The following SPATA13 variants were observed in gnomAD, a reference collection of about 807,000 sequenced individuals.
The protein encoded by SPATA13 is spermatogenesis associated 13.
In SPATA13, 50 loss-of-function variants were observed where a neutral mutation model predicts 104.0. The ratio of observed to expected loss-of-function variants is 0.48; its 90% CI spans 0.38 to 0.61. The LOEUF is 0.61. Among genes scored for constraint, SPATA13 ranks in the 20% least tolerant of loss-of-function variants. The probability of loss-of-function intolerance (pLI) is 0.00; values close to 1 mark genes in which losing one functional copy is unlikely to be tolerated. For missense variants in SPATA13, 1,524 were observed against 1,690.6 expected, an observed-to-expected ratio of 0.90 and a Z score of 1.73; for synonymous variants, 606 against 667.5, an observed-to-expected ratio of 0.91 and a Z score of 1.42.
chr13:24,006,670 G>A (rs1270543026), intron 2 of SPATA13, among the ~76,000 whole-genome samples: 1 of 152,170 alleles, frequency 6.6e-6, no homozygotes. Context: ...GGCCTGCACG[G>A]CTATGGTCCC....
In SPATA13 at chr13:24,222,524, A is replaced by G. The variant is rs527514082; in HGVS notation, c.-111-295A>G. Reference sequence around the variant, plus strand: ...AAAGATAGTGTTGAATGATACCTAGATATTTTCATTCCAGCGGTTTTTTTC... The same window carrying G: ...AAAGATAGTGTTGAATGATACCTAGGTATTTTCATTCCAGCGGTTTTTTTC... On this transcript the variant is annotated intron_variant, in intron 1 of 12. Coordinates refer to ENST00000382108, the MANE Select transcript of SPATA13 (RefSeq NM_001166271.3). Among the ~76,000 whole-genome samples, 8 of 152,310 alleles carry G rather than the reference A, an allele frequency of 5.3e-5. No homozygotes were observed. The East Asian group carries it at 1.5e-3, about 29-fold the overall frequency.
chr13:24,160,910 T>G lies in SPATA13; in HGVS notation c.-134T>G. The G allele has an allele frequency of 1.0e-6, 1 of 985,502 alleles. No homozygotes were observed. The highest frequency in any genetic ancestry group is 1.2e-6 in the Non-Finnish European group (1 of 830,096). The allele number at this position is 985,502 out of a possible 1,614,324, so 61.0% of individuals were successfully genotyped here. A position where few individuals can be genotyped will look rare whatever the true frequency, so the allele number is the denominator to read the frequency against. ...TGTTGGACACGCTGACTTTGTAGGC[T>G]CCGCCAAGAGGCGCCGCAGGAGGTA... On this transcript the variant is annotated 5_prime_UTR_variant, in exon 1 of 13. Transcript: ENST00000382108.
In SPATA13 at chr13:24,290,789, C is replaced by T. The variant is rs372676441; in HGVS notation, c.2985C>T (p.Ile995=). Residue 995 remains isoleucine, a synonymous_variant, in exon 9 of 13, where the codon ATC becomes ATT. Coordinates refer to ENST00000382108, the MANE Select transcript of SPATA13 (RefSeq NM_001166271.3). ...ACRLLQQMID[I]AIDGFLLTPV... is the part of the protein sequence containing the mutation. ...GCCTGCTGCAGCAGATGATTGACAT[C>T]GCCATCGACGGGTTCCTGCTCACAC... The T allele has an allele frequency of 5.3e-5, 85 of 1,614,200 alleles. No homozygotes were observed. Among genetic ancestry groups the T allele is most frequent in the Middle Eastern group, 1.6e-4 (1 of 6,062 alleles).
intron 3 of SPATA13, among the ~76,000 whole-genome samples, chr13:24,136,865 T>C (rs1291469254): frequency 1.0e-4 from 11 of 107,726 alleles, no homozygotes; most frequent in South Asian, 3.4e-4. Context: ...AGTCTCGCTC[T>C]GTCGCCCAGG....
chr13:24,285,068 C>A (rs962001978), intron 5 of SPATA13, among the ~76,000 whole-genome samples: 1 of 152,012 alleles, frequency 6.6e-6, no homozygotes, highest in Non-Finnish European at 1.5e-5. Context: ...TTGAGCAGAA[C>A]GTGTGGAGCA....
intron 3 of SPATA13, among the ~76,000 whole-genome samples, chr13:24,092,735 A>G (rs9511044): frequency 0.27 from 40,343 of 152,120 alleles, 6,307 homozygotes; most frequent in Non-Finnish European, 0.34. Context: ...GCAGCTTGCT[A>G]TTTCTACATG....
chr13:23,986,105 G>T (rs1371567319), intron 2 of SPATA13, among the ~76,000 whole-genome samples: 1 of 152,212 alleles, frequency 6.6e-6, no homozygotes, highest in Non-Finnish European at 1.5e-5. Flanking sequence ...AATAAATGCA[G>T]TTCTGGTGTG....
intron 1 of SPATA13, among the ~76,000 whole-genome samples, chr13:24,182,984 A>G (rs1395768511): frequency 6.6e-6 from 1 of 152,108 alleles, no homozygotes; most frequent in African/African-American, 2.4e-5. Context: ...CATTGTTTTT[A>G]TCAGTACACT....
intron 4 of SPATA13, chr13:24,252,925 A>G (rs1263990015): frequency 2.0e-5 from 3 of 152,250 alleles, no homozygotes; most frequent in African/African-American, 7.2e-5. Context: ...TGAGGTATCC[A>G]GTGAGCACTT....
intron 1 of SPATA13, among the ~76,000 whole-genome samples, chr13:24,219,253 CAG>C (rs1871439620): frequency 6.6e-6 from 1 of 152,250 alleles, no homozygotes; most frequent in Admixed American, 6.5e-5. Context: ...TCAGAAATTC[CAG>C]GAAAAGGCTT....
intron 1 of SPATA13, among the ~76,000 whole-genome samples, chr13:24,167,581 T>C (rs1882795149): frequency 6.6e-6 from 1 of 152,176 alleles, no homozygotes; most frequent in Admixed American, 6.5e-5. Flanking sequence ...TACTTCTGTG[T>C]GAATAGTGTG....
rs933203914 is a variant in SPATA13, at chr13:24,002,154, G to A, written c.-146-15513G>A. Among the ~76,000 whole-genome samples the A allele has an allele frequency of 3.9e-5, 6 of 152,128 alleles. No homozygotes were observed. The South Asian group carries it at 8.3e-4, about 21-fold the overall frequency. ...TCAAAAAAGCAGTGTCATAGCTTTT[G>A]ACCTCTGTCACATGAGGTCATTTAC... On this transcript the variant is annotated intron_variant, in intron 2 of 14. Coordinates refer to the SPATA13 transcript ENST00000424834.
At chr13:24,199,109 G>A (rs1891104) in intron 1 of SPATA13, among the ~76,000 whole-genome samples, 2,253 of 151,998 alleles carry the variant, frequency 0.015, 58 homozygotes, top group African/African-American at 0.05. Context: ...GGCTGGTCTC[G>A]AACTCCTGAG....
At position 24,091,726 on chromosome 13, in the gene SPATA13, G is replaced by A. The variant is rs150106992; in HGVS notation, c.-112+74025G>A. Among the ~76,000 whole-genome samples, 15 of 152,316 alleles carry A rather than the reference G, an allele frequency of 9.8e-5. No homozygotes were observed. In the East Asian group the frequency reaches 2.1e-3, roughly 22 times the overall value. On this transcript the variant is annotated intron_variant, in intron 3 of 14. Coordinates refer to the SPATA13 transcript ENST00000424834. ...CTAAGGAGGCTGAGGCAGGAGAATC[G>A]CTTGAACCTGGGAGGCGGAGGCTGC...
At chr13:23,995,867 A>T (rs1420913021) in intron 2 of SPATA13, among the ~76,000 whole-genome samples, 1 of 152,086 alleles carries the variant, frequency 6.6e-6, no homozygotes, top group Non-Finnish European at 1.5e-5. Context: ...AACTGCGTGG[A>T]GGAAGTGGTC....
In SPATA13 at chr13:24,294,718, A is replaced by T. The variant is rs775644721; in HGVS notation, c.3081-21A>T. The T allele has an allele frequency of 7.6e-6, 12 of 1,570,516 alleles. No individual in the cohort carries two copies. The African/African-American group carries it at 1.1e-4, about 14-fold the overall frequency. On this transcript the variant is annotated intron_variant, in intron 9 of 12. Transcript: ENST00000382108. ...TGTAAGGTGCATGTTATGTGATTAA[A>T]ATTAACCTCCCATCTTGCAGTGATT...
chr13:23,998,831 AT>A (rs1287822425), intron 2 of SPATA13, among the ~76,000 whole-genome samples: 1 of 152,040 alleles, frequency 6.6e-6, no homozygotes, highest in Non-Finnish European at 1.5e-5. Context: ...TGAAAAAATG[AT>A]TCTTGTCCAT....
rs1873354301 is a variant in SPATA13, at chr13:24,249,527, G to A, written c.1704G>A (p.Arg568=). 2 of 1,608,294 alleles carry A rather than the reference G, an allele frequency of 1.2e-6. No individual in the cohort carries two copies. Among genetic ancestry groups the A allele is most frequent in the African/African-American group, 2.7e-5 (2 of 74,706 alleles). ...WRRSSSQDEE[R]TEAQRTPKRR... ...GAAGCTCATCACAGGATGAGGAAAGGACAGAGGCACAGAGAACCCCCAAGA... is the reference window on the plus strand; with the variant it reads ...GAAGCTCATCACAGGATGAGGAAAGAACAGAGGCACAGAGAACCCCCAAGA... Residue 568 remains arginine (R), a synonymous_variant, in exon 3 of 13, where the codon AGG becomes AGA. Transcript: ENST00000382108.
At chr13:24,282,848 G>C (rs1228903395) in intron 4 of SPATA13, among the ~76,000 whole-genome samples, 2 of 152,224 alleles carry the variant, frequency 1.3e-5, no homozygotes, top group African/African-American at 4.8e-5. Context: ...GCAGTCACTT[G>C]ATTTAGGTCC....
Sources: gnomAD v4.1 joint callset for allele counts (sites outside exome capture counted in the v4.1 genomes callset) on GRCh38, gnomAD v4.1.1 for gene constraint, MANE v1.5 for transcripts, NCBI Gene and HGNC (gene_info 2026-07-23, HGNC 2026-07-21) for gene names.